RFFL: variants seen among roughly 807,000 people sequenced by gnomAD.
The protein encoded by RFFL is ring finger and FYVE like domain containing E3 ubiquitin protein ligase.
A neutral mutation model predicts 40.4 loss-of-function variants in RFFL; 16 were observed. The ratio of observed to expected loss-of-function variants is 0.40; its 90% CI spans 0.27 to 0.60. The LOEUF is 0.60. Ranked by LOEUF, RFFL falls within the 20% of genes least tolerant of loss-of-function variation. The pLI is 0.47. For missense variants in RFFL, 367 were observed against 451.7 expected (o/e 0.81, Z 1.70); for synonymous variants, 154 against 167.9 (o/e 0.92, Z 0.64).
chr17:35,032,762 A>G (rs543911893), intron 1 of RFFL, among the ~76,000 whole-genome samples: 1 of 152,154 alleles, frequency 6.6e-6, no homozygotes, highest in African/African-American at 2.4e-5. Context: ...AACCACATCT[A>G]TAGGGCAAGC....
chr17:35,067,702 G>A (rs548368767), upstream of RFFL, among the ~76,000 whole-genome samples: 27 of 152,138 alleles, frequency 1.8e-4, no homozygotes, highest in South Asian at 3.5e-3. Context: ...TGATCCGCCC[G>A]TCTCAGCCTC....
chr17:35,054,458 A>C (rs2091248519), intron 1 of RFFL, among the ~76,000 whole-genome samples: 1 of 152,198 alleles, frequency 6.6e-6, no homozygotes, highest in Admixed American at 6.5e-5. Context: ...CATGTGCATG[A>C]AAATCCAATC....
intron 6 of RFFL, 146 bp downstream of exon 6, chr17:35,014,593 GC>G: frequency 1.4e-6 from 1 of 737,220 alleles, no homozygotes; most frequent in East Asian, 2.5e-5. Context: ...ATGGTGAGAG[GC>G]CCCCTGGGTC....
chr17:35,008,085 T>G lies in RFFL; in HGVS notation c.*3883A>C, dbSNP rs1401257552. On this transcript the variant is annotated 3_prime_UTR_variant, in exon 7 of 7. Transcript: ENST00000394597. ...CCATAGTCCAGCTGTACTACAGCTG[T>G]ATCCAAAAGGTACCATGTATCTCCC... The G allele has an allele frequency of 6.6e-6, 1 of 152,200 alleles. No individual in the cohort carries two copies. Among genetic ancestry groups the G allele is most frequent in the African/African-American group, 2.4e-5 (1 of 41,430 alleles). The allele number at this position is 152,200 out of a possible 1,614,324, so 9.4% of individuals were successfully genotyped here.
chr17:35,016,795 A>G (rs181179988), intron 4 of RFFL, among the ~76,000 whole-genome samples: 1 of 152,282 alleles, frequency 6.6e-6, no homozygotes, highest in Admixed American at 6.5e-5. Flanking sequence ...GAGCAAACAG[A>G]CACAGACCAA....
chr17:35,009,306 T>C lies in RFFL; in HGVS notation c.*2662A>G, dbSNP rs2090919510. On this transcript the variant is annotated 3_prime_UTR_variant, in exon 7 of 7. Coordinates refer to ENST00000394597, the MANE Select transcript of RFFL (RefSeq NM_001017368.2). Reference sequence around the variant, plus strand: ...ATTGAGCACTAGTTCCTGTACAGCTTATTCTTATTAGTTTGGATCCAACTA... The same window carrying C: ...ATTGAGCACTAGTTCCTGTACAGCTCATTCTTATTAGTTTGGATCCAACTA... 6.6e-6 allele frequency: 1 copy of C among 152,406 alleles called. No homozygotes were observed. The highest frequency in any genetic ancestry group is 1.5e-5 in the Non-Finnish European group (1 of 68,034). 9.4% of individuals were successfully genotyped at this position (152,406 alleles called of 1,614,324 possible).
At chr17:35,022,827 T>C (rs2091017830) in intron 2 of RFFL, among the ~76,000 whole-genome samples, 1 of 152,256 alleles carries the variant, frequency 6.6e-6, no homozygotes, top group Admixed American at 6.5e-5. Flanking sequence ...AACGGGAGGC[T>C]GTCTGGACAT....
intron 1 of RFFL, among the ~76,000 whole-genome samples, chr17:35,085,149 C>A (rs769847631): frequency 3.3e-5 from 5 of 151,390 alleles, no homozygotes; most frequent in Non-Finnish European, 5.9e-5. Context: ...GGTACCTCAT[C>A]TTTCAAGGAG....
intron 1 of RFFL, among the ~76,000 whole-genome samples, chr17:35,052,302 T>C (rs1386633887): frequency 1.3e-5 from 2 of 152,206 alleles, no homozygotes; most frequent in South Asian, 2.1e-4. Context: ...AGCAATATAC[T>C]GACAAATTTT....
chr17:35,036,330 CT>C (rs1464297515), intron 1 of RFFL: 3 of 152,170 alleles, frequency 2.0e-5, no homozygotes, highest in African/African-American at 7.2e-5. Context: ...TCTCTCTTAT[CT>C]ACAAACCTCC....
At chr17:35,031,691 G>A (rs2091084031) in intron 1 of RFFL, among the ~76,000 whole-genome samples, 2 of 151,954 alleles carry the variant, frequency 1.3e-5, no homozygotes, top group African/African-American at 2.4e-5. Context: ...TTTCAAATGA[G>A]GTGCCGCACA....
At chr17:35,026,752 C>T (rs1333089682) in intron 1 of RFFL, among the ~76,000 whole-genome samples, 191 bp from the exon 2 acceptor site, 1 of 152,174 alleles carries the variant, frequency 6.6e-6, no homozygotes, top group Non-Finnish European at 1.5e-5. Flanking sequence ...GTTGCCCAGG[C>T]TGGAATGCAG....
chr17:35,088,874 T>A (rs1597849739), intron 1 of RFFL: 1 of 152,406 alleles, frequency 6.6e-6, no homozygotes, highest in East Asian at 1.9e-4. Context: ...TGAAACGCTT[T>A]CTTTGAGGGG....
At position 35,061,765 on chromosome 17, in the gene RFFL, C is replaced by T. The variant is rs1370245464; in HGVS notation, c.-9+1811G>A. Among the ~76,000 whole-genome samples the T allele has an allele frequency of 2.6e-5, 4 of 151,806 alleles. No homozygotes were observed. The East Asian group carries it at 7.7e-4, about 29-fold the overall frequency. On this transcript the variant is annotated intron_variant, in intron 1 of 6. Coordinates refer to ENST00000394597, the MANE Select transcript of RFFL (RefSeq NM_001017368.2). ...GTGTGATCCTCGCTCACTGCAACCT[C>T]CACCTCCTGGGTTCAAGTGATTCTC...
At chr17:35,035,663 CTA>C (rs1479108919) in intron 1 of RFFL, among the ~76,000 whole-genome samples, 2 of 148,524 alleles carry the variant, frequency 1.3e-5, no homozygotes, top group African/African-American at 2.5e-5. Context: ...ATATTTATAT[CTA>C]TATATATATT....
Position 35,011,843 on chromosome 17 carries a change from C to T in RFFL, c.*125G>A. On this transcript the variant is annotated 3_prime_UTR_variant, in exon 7 of 7. Transcript: ENST00000394597. The stretch of plus-strand genomic sequence containing the variant: ...TGCTCAGGGGTGACATGGCATCTTG[C>T]TTGACCTGGTTTTGGGAACCCTGCA... The T allele has an allele frequency of 8.7e-6, 8 of 920,320 alleles. No individual in the cohort carries two copies. Among genetic ancestry groups the T allele is most frequent in the Non-Finnish European group, 1.3e-5 (8 of 593,776 alleles). The allele number at this position is 920,320 out of a possible 1,614,324, so 57.0% of individuals were successfully genotyped here.
intron 1 of RFFL, among the ~76,000 whole-genome samples, chr17:35,035,623 A>G (rs540326555): frequency 2.5e-4 from 38 of 150,854 alleles, no homozygotes; most frequent in Non-Finnish European, 4.7e-4. Context: ...TTTACTCTTT[A>G]TATACCTATA....
At chr17:35,071,197 C>CAAAAAAAA (rs548193599) in intron 1 of RFFL, among the ~76,000 whole-genome samples, 1 of 53,212 alleles carries the variant, frequency 1.9e-5, no homozygotes. Flanking sequence ...GACTCCAACT[C>CAAAAAAAA]AAAAAAAAAA....
chr17:35,011,266 G>A lies in RFFL; in HGVS notation c.*702C>T, dbSNP rs1375963646. On this transcript the variant is annotated 3_prime_UTR_variant, in exon 7 of 7. Transcript: ENST00000394597. The stretch of plus-strand genomic sequence containing the variant: ...TTTCCCAGCAGTTTGGGAGCCTGAT[G>A]TTTTGTTGGCTCCCAGAGTCAGGTC... The A allele has an allele frequency of 2.0e-5, 3 of 152,232 alleles. No homozygotes were observed. Among genetic ancestry groups the A allele is most frequent in the Non-Finnish European group, 2.9e-5 (2 of 68,056 alleles). The allele number at this position is 152,232 out of a possible 1,614,324, so 9.4% of individuals were successfully genotyped here. A position where few individuals can be genotyped will look rare whatever the true frequency, so the allele number is the denominator to read the frequency against.
Sources: allele counts gnomAD v4.1 joint callset (sites outside exome capture counted in the v4.1 genomes callset), GRCh38; gene constraint gnomAD v4.1.1; transcripts MANE v1.5; gene names NCBI Gene and HGNC (gene_info 2026-07-23, HGNC 2026-07-21).